SLC16A2: variants seen among roughly 807,000 people sequenced by gnomAD.
The protein encoded by SLC16A2 is monocarboxylate transporter 8.
In SLC16A2, 3 loss-of-function variants were observed where a neutral mutation model predicts 27.2. That is an observed-to-expected ratio of 0.11 (90% CI 0.05 to 0.28). The LOEUF (loss-of-function observed/expected upper bound fraction) is 0.28. Ranked by LOEUF, SLC16A2 falls within the 10% of genes least tolerant of loss-of-function variation. The pLI is 1.00. For missense variants in SLC16A2, 295 were observed against 458.5 expected (o/e 0.64, Z 3.26); for synonymous variants, 202 against 187.8 (o/e 1.08, Z -0.62).
chrX:74,441,966 T>C (rs1461515446), intron 1 of SLC16A2, among the ~76,000 whole-genome samples: 1 of 110,693 alleles, frequency 9.0e-6, no homozygotes, highest in Non-Finnish European at 1.9e-5. Flanking sequence ...CCATGGCTTA[T>C]GCCTGTAATC....
intron 1 of SLC16A2, among the ~76,000 whole-genome samples, chrX:74,422,540 T>C (rs754869053): frequency 3.5e-3 from 380 of 109,609 alleles, no homozygotes; most frequent in Middle Eastern, 0.023. Context: ...CCCCGGTTCC[T>C]TTGGGGAAAC....
intron 5 of SLC16A2, 146 bp downstream of exon 5, chrX:74,529,587 A>C: frequency 2.2e-6 from 1 of 459,317 alleles, no homozygotes; most frequent in East Asian, 3.7e-5. Flanking sequence ...ACCCCTTATC[A>C]CTACTGGTGG....
At chrX:74,475,075 A>G (rs1406816533) in intron 1 of SLC16A2, among the ~76,000 whole-genome samples, 16 of 110,471 alleles carry the variant, frequency 1.4e-4, no homozygotes, top group African/African-American at 5.0e-4. Context: ...ACAATAGTTG[A>G]ACTAGTTTAC....
At chrX:74,484,879 G>A (rs1437191402) in intron 1 of SLC16A2, among the ~76,000 whole-genome samples, 1 of 111,760 alleles carries the variant, frequency 8.9e-6, no homozygotes, top group Non-Finnish European at 1.9e-5. Context: ...AATTGCTCTA[G>A]GCCAGATAGG....
intron 1 of SLC16A2, among the ~76,000 whole-genome samples, chrX:74,433,675 G>A (rs1236102469): frequency 1.8e-5 from 2 of 111,518 alleles, no homozygotes; most frequent in African/African-American, 3.3e-5. Context: ...TTCATACTTC[G>A]AACTATATCT....
chrX:74,477,586 G>T (rs1929510123), intron 1 of SLC16A2, among the ~76,000 whole-genome samples: 2 of 111,656 alleles, frequency 1.8e-5, no homozygotes. Flanking sequence ...GTGTCAATTT[G>T]AGATCTTTCC....
intron 1 of SLC16A2, among the ~76,000 whole-genome samples, chrX:74,485,263 G>A (rs1259754894): frequency 9.2e-6 from 1 of 108,136 alleles, no homozygotes; most frequent in Non-Finnish European, 1.9e-5. Flanking sequence ...AACAAAAAAA[G>A]GCAAAGTTAC....
chrX:74,527,467 A>G (rs1176318354), intron 4 of SLC16A2, among the ~76,000 whole-genome samples: 1 of 111,975 alleles, frequency 8.9e-6, no homozygotes, highest in Non-Finnish European at 1.9e-5. Flanking sequence ...GGAGGAAACG[A>G]GTGTACACAC....
intron 4 of SLC16A2, among the ~76,000 whole-genome samples, chrX:74,528,328 C>T (rs1930516110): frequency 9.1e-6 from 1 of 109,872 alleles, no homozygotes; most frequent in African/African-American, 3.3e-5. Flanking sequence ...CTGGCCAACA[C>T]AGGTTGCAAA....
chrX:74,476,961 A>T (rs1303981973), intron 1 of SLC16A2: 1 of 111,810 alleles, frequency 8.9e-6, no homozygotes, highest in Non-Finnish European at 1.9e-5. Context: ...TGTCTCTGCC[A>T]GGCTTTGGTA....
chrX:74,422,027 G>A lies in SLC16A2; in HGVS notation c.390G>A (p.Glu130=). 1.7e-6 allele frequency: 2 copies of A among 1,210,282 alleles called. No homozygotes were observed. The highest frequency in any genetic ancestry group is 2.2e-6 in the Non-Finnish European group (2 of 895,284). Residue 130 remains glutamate (E), a synonymous_variant, in exon 1 of 6, where the codon GAG becomes GAA. Transcript: ENST00000587091. ...GGATCCTCTACTCCATGCTGCTAGA[G>A]GAGGAAAAGGAAAAAAATCGCCAAG... ...SVGILYSMLL[E]EEKEKNRQVE...
At chrX:74,518,143 G>C (rs1930345777) in intron 1 of SLC16A2, among the ~76,000 whole-genome samples, 1 of 112,191 alleles carries the variant, frequency 8.9e-6, no homozygotes, top group Admixed American at 9.4e-5. Context: ...TTAATATCTA[G>C]CAGTGGGTTT....
chrX:74,492,022 G>A (rs1432779425), intron 1 of SLC16A2, among the ~76,000 whole-genome samples: 2 of 112,430 alleles, frequency 1.8e-5, no homozygotes, highest in Non-Finnish European at 3.8e-5. Context: ...GACAGTGGGA[G>A]AAGCCTGGAA....
chrX:74,513,941 C>T (rs1930274031), intron 1 of SLC16A2, among the ~76,000 whole-genome samples: 1 of 111,385 alleles, frequency 9.0e-6, no homozygotes, highest in Non-Finnish European at 1.9e-5. Flanking sequence ...TGTGTCTGGG[C>T]CAGAGAGAAT....
At chrX:74,468,266 T>TC (rs1340604249) in intron 1 of SLC16A2, among the ~76,000 whole-genome samples, 1 of 111,280 alleles carries the variant, frequency 9.0e-6, no homozygotes, top group Non-Finnish European at 1.9e-5. Flanking sequence ...CACCAAAATC[T>TC]CCCCATCACC....
intron 1 of SLC16A2, among the ~76,000 whole-genome samples, chrX:74,478,369 A>T (rs929555162): frequency 5.4e-5 from 6 of 110,205 alleles, no homozygotes; most frequent in Non-Finnish European, 1.1e-4. Flanking sequence ...CTTTATTTTG[A>T]GTCTATGTGT....
At chrX:74,484,145 A>C (rs1458352653) in intron 1 of SLC16A2, among the ~76,000 whole-genome samples, 1 of 112,244 alleles carries the variant, frequency 8.9e-6, no homozygotes, top group Non-Finnish European at 1.9e-5. Flanking sequence ...GAAGATATTT[A>C]TTCTGAGCCA....
intron 1 of SLC16A2, among the ~76,000 whole-genome samples, chrX:74,494,971 G>A (rs1322473472): frequency 9.0e-6 from 1 of 111,367 alleles, no homozygotes; most frequent in Non-Finnish European, 1.9e-5. Context: ...ACTAGTCCAG[G>A]TCCTACCCAG....
chrX:74,440,828 G>A (rs766149687), intron 1 of SLC16A2, among the ~76,000 whole-genome samples: 6 of 110,701 alleles, frequency 5.4e-5, no homozygotes, highest in East Asian at 2.9e-4. Context: ...GTGTGCACGC[G>A]CATGCATGAG....
Sources: allele counts gnomAD v4.1 joint callset (sites outside exome capture counted in the v4.1 genomes callset), GRCh38; gene constraint gnomAD v4.1.1; transcripts MANE v1.5; gene names NCBI Gene and HGNC (gene_info 2026-07-23, HGNC 2026-07-21).